ROS1: variants seen among roughly 807,000 people sequenced by gnomAD.
ROS1 encodes ROS proto-oncogene 1, receptor tyrosine kinase.
ROS1 carries 263 observed loss-of-function variants against 273.5 expected under a neutral mutation model. The observed-to-expected ratio is 0.96, with a 90% CI of 0.87 to 1.06. The LOEUF is 1.06. ROS1 is among the 50% of genes least tolerant of loss of function. The probability of loss-of-function intolerance (pLI) is 0.00; values close to 1 mark genes in which losing one functional copy is unlikely to be tolerated. For missense variants in ROS1, 2,833 were observed against 2,751.1 expected (o/e 1.03, Z -0.67); for synonymous variants, 1,008 against 954.1 (o/e 1.06, Z -1.04).
intron 24 of ROS1, 53 bp downstream of exon 24, chr6:117,359,756 C>T: frequency 2.1e-6 from 3 of 1,417,706 alleles, no homozygotes; most frequent in Non-Finnish European, 1.0e-6. Context: ...AAAGTAGTGT[C>T]ATATGCAAAT....
At position 117,326,249 on chromosome 6, in the gene ROS1, G is replaced by T. The variant is rs2128581647; in HGVS notation, c.5514C>A (p.Ile1838=). ...NNLGFGEYSG[I]SENIILVGDD... ...CTCCAACTAATATAATATTCTCACT[G>T]ATTCCACTATATTCACCAAACCCTA... is the stretch of plus-strand genomic sequence containing the variant. The change falls in exon 34 of 44, where the codon ATC becomes ATA. Residue 1838 remains isoleucine (I), a synonymous_variant. Coordinates refer to ENST00000368507, the MANE Select transcript of ROS1 (RefSeq NM_001378902.1). 1 of 1,599,196 alleles carries T rather than the reference G, an allele frequency of 6.3e-7. No homozygotes were observed. Among genetic ancestry groups the T allele is most frequent in the South Asian group, 1.1e-5 (1 of 87,750 alleles).
chr6:117,384,074 C>A (rs1772372483), intron 16 of ROS1, among the ~76,000 whole-genome samples: 1 of 152,158 alleles, frequency 6.6e-6, no homozygotes, highest in African/African-American at 2.4e-5. Flanking sequence ...GAGTTAAACA[C>A]TTTAATAAGA....
intron 42 of ROS1, among the ~76,000 whole-genome samples, chr6:117,306,030 G>GTTTTTT (rs78945275): frequency 8.1e-6 from 1 of 123,090 alleles, no homozygotes; most frequent in Non-Finnish European, 1.7e-5. Flanking sequence ...TTCTCCTCAA[G>GTTTTTT]TTTTTTTTTT....
chr6:117,342,150 G>T (rs1369803718), intron 29 of ROS1, among the ~76,000 whole-genome samples: 2 of 151,866 alleles, frequency 1.3e-5, no homozygotes, highest in Non-Finnish European at 2.9e-5. Context: ...TGTGTTTCTT[G>T]GTCAAACAAT....
At chr6:117,393,576 C>G (rs1186189217) in intron 11 of ROS1, among the ~76,000 whole-genome samples, 1 of 152,126 alleles carries the variant, frequency 6.6e-6, no homozygotes, top group Non-Finnish European at 1.5e-5. Context: ...CTATTTTTAA[C>G]ATTTAAGCGA....
At chr6:117,378,180 C>A (rs1412214027) in intron 18 of ROS1, among the ~76,000 whole-genome samples, 1 of 152,090 alleles carries the variant, frequency 6.6e-6, no homozygotes, top group Non-Finnish European at 1.5e-5. Flanking sequence ...AGGTATTTAT[C>A]CAAGTATACA....
At chr6:117,295,625 G>C (rs1026053447) in intron 43 of ROS1, among the ~76,000 whole-genome samples, 2 of 152,120 alleles carry the variant, frequency 1.3e-5, no homozygotes, top group African/African-American at 4.8e-5. Flanking sequence ...TACATAGGGA[G>C]CTCAAATAAC....
intron 28 of ROS1, 121 bp downstream of exon 28, chr6:117,343,939 G>A (rs1778153434): frequency 1.4e-6 from 1 of 733,858 alleles, no homozygotes; most frequent in Admixed American, 2.6e-5. Context: ...ATCATTAGCT[G>A]TAAAAAAGTT....
intron 16 of ROS1, among the ~76,000 whole-genome samples, chr6:117,385,388 C>T (rs960513740): frequency 6.6e-6 from 1 of 152,072 alleles, no homozygotes; most frequent in African/African-American, 2.4e-5. Context: ...AACCCCATCT[C>T]CACTGAAAAT....
intron 27 of ROS1, among the ~76,000 whole-genome samples, chr6:117,346,534 G>A (rs1582689959): frequency 6.6e-6 from 1 of 151,626 alleles, no homozygotes; most frequent in East Asian, 1.9e-4. Context: ...GAGGATATGT[G>A]TGTGTGTCGT....
intron 26 of ROS1, 71 bp downstream of exon 26, chr6:117,356,558 G>A: frequency 7.4e-7 from 1 of 1,358,202 alleles, no homozygotes; most frequent in Non-Finnish European, 1.0e-6. Flanking sequence ...CGGAATGCAA[G>A]CCCTTTGTAA....
chr6:117,319,187 T>C (rs866447612), intron 37 of ROS1, among the ~76,000 whole-genome samples: 1 of 152,098 alleles, frequency 6.6e-6, no homozygotes, highest in African/African-American at 2.4e-5. Flanking sequence ...AATATGAGTA[T>C]ATCAAGTGCT....
chr6:117,410,622 C>T (rs1774826470), intron 4 of ROS1, among the ~76,000 whole-genome samples: 1 of 152,140 alleles, frequency 6.6e-6, no homozygotes. Context: ...TATTGTAAAA[C>T]TACAACACAA....
chr6:117,380,110 C>T (rs1771996639), intron 17 of ROS1, among the ~76,000 whole-genome samples: 1 of 152,096 alleles, frequency 6.6e-6, no homozygotes, highest in Non-Finnish European at 1.5e-5. Flanking sequence ...GCTAAGATTG[C>T]CAGTAGCCTG....
chr6:117,348,110 T>C (rs895972291), intron 27 of ROS1, among the ~76,000 whole-genome samples: 8 of 152,006 alleles, frequency 5.3e-5, no homozygotes, highest in Non-Finnish European at 8.8e-5. Context: ...ATTGGCCTAA[T>C]TGGAAGTAGG....
intron 5 of ROS1, among the ~76,000 whole-genome samples, chr6:117,408,066 G>C (rs921567453): frequency 1.3e-5 from 2 of 151,842 alleles, no homozygotes; most frequent in African/African-American, 4.8e-5. Context: ...ATTAATTCAA[G>C]ATGGATTAAA....
intron 36 of ROS1, 99 bp from the exon 37 acceptor site, chr6:117,320,129 A>G (rs2128559516): frequency 9.7e-7 from 1 of 1,029,644 alleles, no homozygotes; most frequent in South Asian, 1.6e-5. Flanking sequence ...AGAAAGAAAT[A>G]TCTCATGGCT....
intron 34 of ROS1, among the ~76,000 whole-genome samples, chr6:117,325,978 GGAATT>G: frequency 6.6e-6 from 1 of 151,384 alleles, no homozygotes; most frequent in Admixed American, 6.6e-5. Flanking sequence ...TGATGTGGTA[GGAATT>G]AAGGGGGTGG....
intron 35 of ROS1, among the ~76,000 whole-genome samples, chr6:117,323,375 G>A (rs1776415150): frequency 6.6e-6 from 1 of 152,148 alleles, no homozygotes; most frequent in Non-Finnish European, 1.5e-5. Context: ...CTTTATGTTT[G>A]TGACTTTTCC....
Sources: allele counts gnomAD v4.1 joint callset (sites outside exome capture counted in the v4.1 genomes callset), GRCh38; gene constraint gnomAD v4.1.1; transcripts MANE v1.5; gene names NCBI Gene and HGNC (gene_info 2026-07-23, HGNC 2026-07-21).